FAM120C: variants seen among roughly 807,000 people sequenced by gnomAD.
FAM120C encodes family with sequence similarity 120 member C, also known as constitutive coactivator of PPAR-gamma-like protein 2.
In FAM120C, 14 loss-of-function variants were observed where a neutral mutation model predicts 71.2. The ratio of observed to expected loss-of-function variants is 0.20; its 90% CI spans 0.13 to 0.31. The LOEUF is 0.31. FAM120C is among the 10% of genes least tolerant of loss of function. The pLI is 1.00. For missense variants in FAM120C, 500 were observed against 879.0 expected (o/e 0.57, Z 5.45); for synonymous variants, 354 against 353.2 (o/e 1.00, Z -0.03).
Position 54,073,298 on chromosome X carries a change from CAG to C in FAM120C, c.3037-13_3037-12del. 1 of 1,186,660 alleles carries C rather than the reference CAG, an allele frequency of 8.4e-7. No homozygotes were observed. Among genetic ancestry groups the C allele is most frequent in the Non-Finnish European group, 1.1e-6 (1 of 879,583 alleles). On this transcript the variant is annotated splice_polypyrimidine_tract_variant and intron_variant, in intron 15 of 15. Coordinates refer to ENST00000375180, the MANE Select transcript of FAM120C (RefSeq NM_017848.6). ...TCCATCTGAAGAGCCCTGTTAAAAACAGAGATACTCAGTGGAAATGGGAATCC... is the reference window on the plus strand; with the variant it reads ...TCCATCTGAAGAGCCCTGTTAAAAACAGATACTCAGTGGAAATGGGAATCC...
intron 10 of FAM120C, among the ~76,000 whole-genome samples, chrX:54,105,124 A>C (rs935665050): frequency 7.2e-5 from 8 of 111,710 alleles, no homozygotes; most frequent in African/African-American, 2.6e-4. Flanking sequence ...ATTTCAGGCC[A>C]ATATCCCTGA....
chrX:54,168,237 A>G (rs1557135464), intron 1 of FAM120C, among the ~76,000 whole-genome samples: 1 of 111,772 alleles, frequency 8.9e-6, no homozygotes, highest in African/African-American at 3.3e-5. Flanking sequence ...CCCGAGCTCA[A>G]GCAACCCTGC....
Position 54,084,657 on chromosome X carries a change from C to T in FAM120C, c.2839+1058G>A, listed in dbSNP as rs781922953. ...CAGCCTGACGAATATGGTAAAACCC[C>T]GTCTCTACTAAAAATACAAAAATTA... On this transcript the variant is annotated intron_variant, in intron 13 of 15. Transcript: ENST00000375180. 1.6e-4 allele frequency among the ~76,000 whole-genome samples: 18 copies of T among 109,371 alleles called. No individual in the cohort carries two copies. The Admixed American group carries it at 1.7e-3, about 10-fold the overall frequency. 95.0% of individuals were successfully genotyped at this position (109,371 alleles called of 115,157 possible). A position where few individuals can be genotyped will look rare whatever the true frequency, so the allele number is the denominator to read the frequency against.
chrX:54,088,800 G>C (rs1399929749), intron 11 of FAM120C, among the ~76,000 whole-genome samples: 2 of 109,833 alleles, frequency 1.8e-5, no homozygotes, highest in Non-Finnish European at 3.8e-5. Context: ...TGTAATCCCA[G>C]TATTTTGGGA....
chrX:54,171,533 C>T (rs949900709), intron 1 of FAM120C: 3 of 112,215 alleles, frequency 2.7e-5, no homozygotes, highest in Non-Finnish European at 5.6e-5. Flanking sequence ...TTTATCATTA[C>T]ACTTTTTTTT....
chrX:54,173,569 T>C (rs1455740756), intron 1 of FAM120C, among the ~76,000 whole-genome samples: 1 of 112,541 alleles, frequency 8.9e-6, no homozygotes. Context: ...TTTCTTACAA[T>C]GGTTTACTTT....
Position 54,113,939 on chromosome X carries a change from A to AT in FAM120C, c.2312+2605_2312+2606insA, listed in dbSNP as rs1202549735. Among the ~76,000 whole-genome samples, 7 of 111,055 alleles carry AT rather than the reference A, an allele frequency of 6.3e-5. No homozygotes were observed. In the East Asian group the frequency reaches 2.0e-3, roughly 31 times the overall value. On this transcript the variant is annotated intron_variant, in intron 10 of 15. Transcript: ENST00000375180. ...CTCAAAAAAAAGAAAAGAAAAAAAA[A>AT]GCCTGCACCTGTATGTTTATTGCAG...
At chrX:54,142,869 G>A (rs782189796) in intron 4 of FAM120C, among the ~76,000 whole-genome samples, 24 of 111,574 alleles carry the variant, frequency 2.2e-4, no homozygotes, top group African/African-American at 6.5e-4. Context: ...TCATACAGCC[G>A]GGTGCCCCTC....
chrX:54,118,836 G>A (rs2066990338), intron 9 of FAM120C, among the ~76,000 whole-genome samples: 1 of 53,799 alleles, frequency 1.9e-5, no homozygotes, highest in Non-Finnish European at 3.3e-5. Flanking sequence ...CTAGCATTAG[G>A]TATATCTCCC....
At position 54,087,776 on chromosome X, in the gene FAM120C, C is replaced by T; in HGVS notation, c.2616G>A (p.Leu872=). The T allele has an allele frequency of 8.3e-7, 1 of 1,210,937 alleles. No individual in the cohort carries two copies. The highest frequency in any genetic ancestry group is 1.8e-5 in the South Asian group (1 of 56,908). The change falls in exon 12 of 16, where the codon CTG becomes CTA. Residue 872 remains leucine, a synonymous_variant. Transcript: ENST00000375180. ...LIKAGRERVS[L]VELCDGQADL... ...GTACCTGGCCATCACAGAGCTCAAC[C>T]AGAGATACTCGCTCTCGGCCTGCTT... is the stretch of plus-strand genomic sequence containing the variant.
At position 54,134,891 on chromosome X, in the gene FAM120C, C is replaced by G; in HGVS notation, c.1556G>C (p.Gly519Ala). 1 of 1,211,163 alleles carries G rather than the reference C, an allele frequency of 8.3e-7. No individual in the cohort carries two copies. Residue 519 changes from glycine to alanine, a missense_variant, in exon 7 of 16, where the codon GGA becomes GCA. By Grantham distance (60) the Gly-to-Ala change is moderately conservative. Transcript: ENST00000375180. ...YLPSKASPPL[G>A]PDSSHSSSSD... ...GGAAGAGGAGTGGGAAGAGTCTGGT[C>G]CCAAAGGAGGTGAGGCTTTAGAAGG...
chrX:54,079,118 C>A (rs782651443), intron 15 of FAM120C, among the ~76,000 whole-genome samples: 22 of 109,368 alleles, frequency 2.0e-4, no homozygotes, highest in Admixed American at 6.9e-4. Context: ...AAAAATCAGC[C>A]GGGCGTGGTG....
At chrX:54,088,607 A>AC (rs1465928005) in intron 11 of FAM120C, among the ~76,000 whole-genome samples, 3 of 107,055 alleles carry the variant, frequency 2.8e-5, no homozygotes, top group Non-Finnish European at 3.9e-5. Flanking sequence ...AAAAAAAAAA[A>AC]AAAAAACGAA....
At chrX:54,182,466 G>C (rs1254559823) in intron 1 of FAM120C, 34 bp downstream of exon 1, 1 of 1,174,406 alleles carries the variant, frequency 8.5e-7, no homozygotes, top group African/African-American at 1.8e-5. Context: ...AATAGGTGTG[G>C]GGCTTATTAT....
In FAM120C at chrX:54,097,063, T is replaced by C. The variant is rs782199706; in HGVS notation, c.2313-5637A>G. Among the ~76,000 whole-genome samples the C allele has an allele frequency of 1.9e-4, 21 of 112,331 alleles. 1 individual carries two copies. The Middle Eastern group carries it at 0.018, about 98-fold the overall frequency. On this transcript the variant is annotated intron_variant, in intron 10 of 15. Transcript: ENST00000375180. ...TTCTCAGATAATGCCCCTTCTCAGA[T>C]AATGTAAAGCCCCATTTTTATAACA... is the stretch of plus-strand genomic sequence containing the variant.
chrX:54,174,787 C>G (rs1416741326), intron 1 of FAM120C, among the ~76,000 whole-genome samples: 1 of 111,847 alleles, frequency 8.9e-6, no homozygotes, highest in Non-Finnish European at 1.9e-5. Flanking sequence ...TGGGCCAATG[C>G]AAAAATACAT....
intron 9 of FAM120C, among the ~76,000 whole-genome samples, chrX:54,117,358 A>AAC (rs2066974093): frequency 9.4e-5 from 1 of 10,668 alleles, no homozygotes; most frequent in African/African-American, 1.4e-4. Flanking sequence ...GTCTCTAAAA[A>AAC]TAAAATAAAA....
intron 1 of FAM120C, chrX:54,171,596 C>T (rs1207940221): frequency 2.7e-5 from 3 of 111,027 alleles, no homozygotes; most frequent in Non-Finnish European, 5.7e-5. Flanking sequence ...CATTTATGTG[C>T]CAAGAGGTCA....
At chrX:54,150,585 G>C (rs1557132879) in intron 4 of FAM120C, among the ~76,000 whole-genome samples, 2 of 111,725 alleles carry the variant, frequency 1.8e-5, no homozygotes, top group African/African-American at 6.5e-5. Flanking sequence ...GCCTCCCAAA[G>C]TGCTGGTATT....
Sources: gnomAD v4.1 joint callset for allele counts (sites outside exome capture counted in the v4.1 genomes callset) on GRCh38, gnomAD v4.1.1 for gene constraint, MANE v1.5 for transcripts, NCBI Gene and HGNC (gene_info 2026-07-23, HGNC 2026-07-21) for gene names.